RBFOX1: variants seen among roughly 807,000 people sequenced by gnomAD.
The protein encoded by RBFOX1 is RNA binding fox-1 homolog 1.
In RBFOX1, 8 loss-of-function variants were observed where a neutral mutation model predicts 57.7. The ratio of observed to expected loss-of-function variants is 0.14; its 90% CI spans 0.08 to 0.25. RBFOX1 has a LOEUF of 0.25. Ranked by LOEUF, RBFOX1 falls within the 10% of genes least tolerant of loss-of-function variation. RBFOX1 has a pLI of 1.00. For synonymous variants in RBFOX1, 326 were observed against 222.4 expected, an observed-to-expected ratio of 1.47 and a Z score of -4.15; for missense variants, 611 against 548.5, an observed-to-expected ratio of 1.11 and a Z score of -1.14.
At chr16:7,605,643 G>A (rs939624987) in intron 9 of RBFOX1, among the ~76,000 whole-genome samples, 1 of 152,176 alleles carries the variant, frequency 6.6e-6, no homozygotes, top group Admixed American at 6.5e-5. Context: ...GCTATTCTTA[G>A]TTCGGGCAGA....
At chr16:7,504,962 T>C (rs1174919690) in intron 4 of RBFOX1, among the ~76,000 whole-genome samples, 4 of 149,830 alleles carry the variant, frequency 2.7e-5, no homozygotes, top group Non-Finnish European at 5.9e-5. Context: ...AGCATGCCTT[T>C]CCAGCGCGAA....
At chr16:6,363,467 C>A (rs576635551) in intron 2 of RBFOX1, among the ~76,000 whole-genome samples, 10 of 152,154 alleles carry the variant, frequency 6.6e-5, no homozygotes, top group Non-Finnish European at 1.2e-4. Flanking sequence ...GATGTTCTAG[C>A]GTGGAATGGA....
intron 2 of RBFOX1, among the ~76,000 whole-genome samples, chr16:6,572,076 G>T (rs1487736400): frequency 1.3e-5 from 2 of 152,006 alleles, no homozygotes. Context: ...GGATTTTTCT[G>T]CCAATACACA....
intron 4 of RBFOX1, among the ~76,000 whole-genome samples, chr16:7,493,779 C>G (rs2067700467): frequency 2.0e-5 from 3 of 152,184 alleles, no homozygotes; most frequent in East Asian, 1.9e-4. Flanking sequence ...GAAATCAGAA[C>G]TAAAAGAGAA....
At chr16:5,695,624 G>A (rs907262062) in intron 3 of RBFOX1, among the ~76,000 whole-genome samples, 3 of 152,090 alleles carry the variant, frequency 2.0e-5, no homozygotes, top group East Asian at 1.9e-4. Context: ...TGCAATCATC[G>A]GTAATAACAA....
intron 3 of RBFOX1, among the ~76,000 whole-genome samples, chr16:6,927,653 G>C (rs1470755357): frequency 2.0e-5 from 3 of 151,902 alleles, no homozygotes; most frequent in Admixed American, 2.0e-4. Flanking sequence ...TTGAATAATA[G>C]TGAGGATGTC....
At chr16:5,387,185 A>T (rs1363086446) in intron 1 of RBFOX1, among the ~76,000 whole-genome samples, 1 of 152,176 alleles carries the variant, frequency 6.6e-6, no homozygotes, top group African/African-American at 2.4e-5. Flanking sequence ...ATCATCTAGT[A>T]CTGTGCTTGG....
chr16:6,788,351 G>C (rs2082312280), intron 3 of RBFOX1, among the ~76,000 whole-genome samples: 1 of 152,036 alleles, frequency 6.6e-6, no homozygotes, highest in Non-Finnish European at 1.5e-5. Flanking sequence ...ACACAAGCTG[G>C]TGAGGCATGT....
chr16:5,718,007 A>T (rs937336318), intron 3 of RBFOX1, among the ~76,000 whole-genome samples: 1 of 152,228 alleles, frequency 6.6e-6, no homozygotes, highest in Admixed American at 6.5e-5. Context: ...TCATGACCTC[A>T]TGATGAGCAG....
chr16:6,772,971 TTGTG>T (rs889255845), intron 3 of RBFOX1, among the ~76,000 whole-genome samples: 2 of 127,202 alleles, frequency 1.6e-5, no homozygotes, highest in African/African-American at 6.3e-5. Flanking sequence ...TGGGGTGCAT[TTGTG>T]TGCGTGTGTG....
intron 1 of RBFOX1, among the ~76,000 whole-genome samples, chr16:6,254,563 A>G (rs1033259178): frequency 6.6e-6 from 1 of 152,092 alleles, no homozygotes; most frequent in African/African-American, 2.4e-5. Flanking sequence ...GTATTCTTAA[A>G]CTTGGTTTAT....
intron 1 of RBFOX1, among the ~76,000 whole-genome samples, chr16:5,254,963 A>G (rs532101879): frequency 6.0e-4 from 91 of 152,286 alleles, no homozygotes; most frequent in Non-Finnish European, 1.1e-3. Context: ...AGCATCCTCA[A>G]TGTGATGGAG....
At position 5,245,339 on chromosome 16, in the gene RBFOX1, G is replaced by T. The variant is rs183320973; in HGVS notation, c.219+5234G>T. ...GACTTTGGACTCATTGGCTGAGGTTGCTTGGGACCCAGGGGGCAATGTGTG... is the reference window on the plus strand; with the variant it reads ...GACTTTGGACTCATTGGCTGAGGTTTCTTGGGACCCAGGGGGCAATGTGTG... On this transcript the variant is annotated intron_variant, in intron 1 of 2. Coordinates refer to the RBFOX1 transcript ENST00000585867. 1.3e-3 allele frequency among the ~76,000 whole-genome samples: 203 copies of T among 152,310 alleles called. 1 individual carries two copies. The highest frequency in any genetic ancestry group is 3.8e-3 in the African/African-American group (157 of 41,564).
rs1035248696 is a variant in RBFOX1 at position 6,317,422 on chromosome 16, T to C, written c.-64+365T>C. 3.9e-5 allele frequency among the ~76,000 whole-genome samples: 6 copies of C among 152,170 alleles called. No individual in the cohort carries two copies. In the South Asian group the frequency reaches 8.3e-4, roughly 21 times the overall value. Reference sequence around the variant, plus strand: ...TTCTGAGTCACATGACCCTGCAAAGTAGAAAGAAATGCCAGCAAACACAGA... The same window carrying C: ...TTCTGAGTCACATGACCCTGCAAAGCAGAAAGAAATGCCAGCAAACACAGA... On this transcript the variant is annotated intron_variant, in intron 2 of 15. Coordinates refer to ENST00000550418, the MANE Select transcript of RBFOX1 (RefSeq NM_018723.4).
intron 1 of RBFOX1, among the ~76,000 whole-genome samples, chr16:5,259,280 C>G (rs1198706741): frequency 1.3e-5 from 2 of 151,908 alleles, no homozygotes; most frequent in African/African-American, 2.4e-5. Flanking sequence ...TTAAATACAC[C>G]AATTCCTGGA....
At chr16:6,653,178 A>C (rs1013579702) in intron 2 of RBFOX1, among the ~76,000 whole-genome samples, 4 of 151,978 alleles carry the variant, frequency 2.6e-5, no homozygotes, top group Non-Finnish European at 1.5e-5. Flanking sequence ...CTCAATTGCC[A>C]CTTTTTCAAA....
At chr16:6,780,562 TTA>T (rs1239869688) in intron 3 of RBFOX1, among the ~76,000 whole-genome samples, 6 of 105,014 alleles carry the variant, frequency 5.7e-5, no homozygotes, top group South Asian at 3.5e-4. Context: ...ATTTACATAT[TTA>T]TATATATTTA....
At chr16:6,027,784 A>G (rs1243925296) in intron 1 of RBFOX1, among the ~76,000 whole-genome samples, 5 of 152,164 alleles carry the variant, frequency 3.3e-5, no homozygotes, top group Admixed American at 6.5e-5. Flanking sequence ...TGTGCTTCGT[A>G]TATTTTCCTC....
At chr16:7,389,184 G>GGT (rs1308568775) in intron 4 of RBFOX1, among the ~76,000 whole-genome samples, 1 of 152,090 alleles carries the variant, frequency 6.6e-6, no homozygotes, top group Non-Finnish European at 1.5e-5. Context: ...GGAATGCAGT[G>GGT]GTGTGATCAC....
Sources: gnomAD v4.1 joint callset for allele counts (sites outside exome capture counted in the v4.1 genomes callset) on GRCh38, gnomAD v4.1.1 for gene constraint, MANE v1.5 for transcripts, NCBI Gene and HGNC (gene_info 2026-07-23, HGNC 2026-07-21) for gene names.